The following MYO5A variants were observed in gnomAD, a reference collection of about 807,000 sequenced individuals.
MYO5A encodes myosin VA.
Under a neutral mutation model 249.7 loss-of-function variants are expected in MYO5A, and 98 were observed. That is an observed-to-expected ratio of 0.39 (90% confidence interval 0.33 to 0.46). MYO5A has a LOEUF of 0.46. Ranked by LOEUF, MYO5A falls within the 20% of genes least tolerant of loss-of-function variation. The pLI, the probability that MYO5A is intolerant of heterozygous loss-of-function variation, is 0.98. For synonymous variants in MYO5A, 778 were observed against 810.6 expected, an observed-to-expected ratio of 0.96 and a Z score of 0.68; for missense variants, 1,696 against 2,308.8, an observed-to-expected ratio of 0.73 and a Z score of 5.44.
rs149229491 is a variant in MYO5A at position 52,383,246 on chromosome 15, T to C, written c.1915-58A>G. ...GCTTTGTCCAAAGTCAAAGGTGAGG[T>C]AAAACAATGGGAAATTCCCTTCCTA... is the stretch of plus-strand genomic sequence containing the variant. On this transcript the variant is annotated intron_variant, in intron 15 of 41. Transcript: ENST00000399233. 2.7e-4 allele frequency: 368 copies of C among 1,377,342 alleles called. 2 individuals are homozygous for C. In the African/African-American group the frequency reaches 4.7e-3, roughly 18 times the overall value. 85.3% of individuals were successfully genotyped at this position (1,377,342 alleles called of 1,614,324 possible).
At chr15:52,515,599 T>C (rs1224662853) in intron 1 of MYO5A, among the ~76,000 whole-genome samples, 1 of 152,220 alleles carries the variant, frequency 6.6e-6, no homozygotes, top group Non-Finnish European at 1.5e-5. Context: ...ATCATACAGA[T>C]GTAGAAACTA....
At position 52,317,013 on chromosome 15, in the gene MYO5A, G is replaced by T. The variant is rs766741616; in HGVS notation, c.5409+35C>A. 1.9e-5 allele frequency: 31 copies of T among 1,594,256 alleles called. No individual in the cohort carries two copies. In the East Asian group the frequency reaches 6.7e-4, roughly 34 times the overall value. ...TCCCTAAAGATCATCTTTGATGAAT[G>T]TTAAATTATTTTGTAACAGGGAAAG... is the stretch of plus-strand genomic sequence containing the variant. On this transcript the variant is annotated intron_variant, in intron 40 of 41. Coordinates refer to ENST00000399233, the MANE Select transcript of MYO5A (RefSeq NM_001382347.1).
rs200835676 is a variant in MYO5A, at chr15:52,366,729, TTAAC to T, written c.3160+298_3160+301del. Reference sequence around the variant, plus strand: ...TAAATCATTAGGAATCCTATAAGCCTTAACTAGTAAATCACACATGCAGAACAAA... The same window carrying T: ...TAAATCATTAGGAATCCTATAAGCCTTAGTAAATCACACATGCAGAACAAA... On this transcript the variant is annotated intron_variant, in intron 23 of 41. Transcript: ENST00000399233. Among the ~76,000 whole-genome samples, 67 of 151,634 alleles carry T rather than the reference TTAAC, an allele frequency of 4.4e-4. 1 individual carries two copies. In the East Asian group the frequency reaches 7.2e-3, roughly 16 times the overall value.
chr15:52,420,609 C>A (rs931546817), intron 4 of MYO5A, among the ~76,000 whole-genome samples: 1 of 151,966 alleles, frequency 6.6e-6, no homozygotes, highest in Non-Finnish European at 1.5e-5. Context: ...TTCTTATATA[C>A]CAGTATAAAA....
intron 25 of MYO5A, among the ~76,000 whole-genome samples, chr15:52,354,710 C>T (rs1030878904): frequency 2.0e-5 from 3 of 152,054 alleles, no homozygotes; most frequent in African/African-American, 7.2e-5. Flanking sequence ...AAAAATTAGC[C>T]GGGCCTGGTG....
chr15:52,488,150 G>A (rs1222681321), intron 1 of MYO5A, among the ~76,000 whole-genome samples: 1 of 151,708 alleles, frequency 6.6e-6, no homozygotes, highest in African/African-American at 2.4e-5. Flanking sequence ...AATTATGGAT[G>A]AGGTGAATGC....
At chr15:52,465,654 C>T (rs1056549413) in intron 1 of MYO5A, among the ~76,000 whole-genome samples, 1 of 152,036 alleles carries the variant, frequency 6.6e-6, no homozygotes, top group African/African-American at 2.4e-5. Context: ...AAGACCCTGT[C>T]TCTAGAAAAT....
rs557588676 is a variant in MYO5A, at chr15:52,437,437, A to G, written c.28-4152T>C. ...TGGTGAAACCCCGCCTCTACTAAAAATACAAAAATTAGCCAGGCATGGTGG... is the reference window on the plus strand; with the variant it reads ...TGGTGAAACCCCGCCTCTACTAAAAGTACAAAAATTAGCCAGGCATGGTGG... On this transcript the variant is annotated intron_variant, in intron 1 of 41. Coordinates refer to ENST00000399233, the MANE Select transcript of MYO5A (RefSeq NM_001382347.1). Among the ~76,000 whole-genome samples the G allele has an allele frequency of 2.0e-5, 3 of 152,150 alleles. No homozygotes were observed. In the South Asian group the frequency reaches 6.2e-4, roughly 32 times the overall value.
At chr15:52,386,623 C>T (rs1222343552) in intron 14 of MYO5A, among the ~76,000 whole-genome samples, 3 of 151,858 alleles carry the variant, frequency 2.0e-5, no homozygotes, top group Non-Finnish European at 4.4e-5. Flanking sequence ...TTACGGCTCA[C>T]TGCAGCCTCA....
chr15:52,367,471 A>C (rs1405776976), intron 22 of MYO5A, among the ~76,000 whole-genome samples: 2 of 151,644 alleles, frequency 1.3e-5, no homozygotes, highest in African/African-American at 2.4e-5. Context: ...AAACATTAAA[A>C]CATTAAAGTT....
At chr15:52,393,390 T>C (rs531975624) in intron 11 of MYO5A, among the ~76,000 whole-genome samples, 3 of 152,058 alleles carry the variant, frequency 2.0e-5, no homozygotes, top group South Asian at 2.1e-4. Context: ...CAGTGTTTTT[T>C]TTTTCTTTTC....
At position 52,311,260 on chromosome 15, in the gene MYO5A, G is replaced by A. The variant is rs2037763251; in HGVS notation, c.*2436C>T. Reference sequence around the variant, plus strand: ...GTGCACGTTGAGTCGTGCTACACAGGATGAAGCTGGGGGAGGTCTGGGAGA... The same window carrying A: ...GTGCACGTTGAGTCGTGCTACACAGAATGAAGCTGGGGGAGGTCTGGGAGA... On this transcript the variant is annotated 3_prime_UTR_variant, in exon 42 of 42. Coordinates refer to ENST00000399233, the MANE Select transcript of MYO5A (RefSeq NM_001382347.1). 1 of 152,276 alleles carries A rather than the reference G, an allele frequency of 6.6e-6. No homozygotes were observed. The highest frequency in any genetic ancestry group is 1.5e-5 in the Non-Finnish European group (1 of 68,068). The allele number at this position is 152,276 out of a possible 1,614,324, so 9.4% of individuals were successfully genotyped here.
At chr15:52,480,392 C>T (rs761402012) in intron 1 of MYO5A, among the ~76,000 whole-genome samples, 23 of 152,118 alleles carry the variant, frequency 1.5e-4, no homozygotes, top group Non-Finnish European at 2.5e-4. Context: ...AATTGTTTAG[C>T]GAATGTAAAA....
Position 52,316,981 on chromosome 15 carries a change from CT to C in MYO5A, c.5409+66del. The C allele has an allele frequency of 9.7e-6, 15 of 1,538,556 alleles. No homozygotes were observed. In the South Asian group the frequency reaches 1.6e-4, roughly 16 times the overall value. ...GATACAAGCAATAAGTAGAGGACTT[CT>C]TTACTTCCCTAAAGATCATCTTTGA... On this transcript the variant is annotated intron_variant, in intron 40 of 41. Coordinates refer to ENST00000399233, the MANE Select transcript of MYO5A (RefSeq NM_001382347.1).
At chr15:52,438,286 GCAAGAAGA>G (rs1403831500) in intron 1 of MYO5A, among the ~76,000 whole-genome samples, 1 of 152,158 alleles carries the variant, frequency 6.6e-6, no homozygotes, top group East Asian at 1.9e-4. Context: ...GGGAAGGCAG[GCAAGAAGA>G]CAAGGCCACT....
chr15:52,472,792 T>C (rs990865318), intron 1 of MYO5A, among the ~76,000 whole-genome samples: 3 of 152,240 alleles, frequency 2.0e-5, no homozygotes, highest in African/African-American at 7.2e-5. Context: ...CAGTCTATCA[T>C]TGTTGGACAT....
intron 1 of MYO5A, among the ~76,000 whole-genome samples, chr15:52,452,938 A>T (rs1371907014): frequency 6.6e-6 from 1 of 152,108 alleles, no homozygotes; most frequent in African/African-American, 2.4e-5. Context: ...ACCCTAAAAG[A>T]CTAAACCTAA....
At chr15:52,353,286 T>A (rs7170622) in intron 27 of MYO5A, among the ~76,000 whole-genome samples, 13,558 of 152,234 alleles carry the variant, frequency 0.089, 1,867 homozygotes, top group African/African-American at 0.3. Context: ...GGAGAGCAGA[T>A]TCCTACTCCT....
chr15:52,460,858 TATC>T (rs2141411718), intron 1 of MYO5A, among the ~76,000 whole-genome samples: 1 of 152,238 alleles, frequency 6.6e-6, no homozygotes, highest in East Asian at 1.9e-4. Context: ...AATAAAATAA[TATC>T]ATAAAATATA....
Sources: allele counts gnomAD v4.1 joint callset (sites outside exome capture counted in the v4.1 genomes callset), GRCh38; gene constraint gnomAD v4.1.1; transcripts MANE v1.5; gene names NCBI Gene and HGNC (gene_info 2026-07-23, HGNC 2026-07-21).